Variants in NAV3 observed in about 807,000 individuals in gnomAD.
NAV3 encodes the protein neuron navigator 3, also known as pore membrane and/or filament interacting like protein 1.
In NAV3, 87 loss-of-function variants were observed where a neutral mutation model predicts 244.7. That is an observed-to-expected ratio of 0.36 (90% CI 0.30 to 0.42). The LOEUF (loss-of-function observed/expected upper bound fraction) is 0.42, where lower values mean the gene tolerates loss of function less well. Among genes scored for constraint, NAV3 ranks in the 20% least tolerant of loss-of-function variants. The pLI, the probability that NAV3 is intolerant of heterozygous loss-of-function variation, is 1.00. For synonymous variants in NAV3, 1,126 were observed against 1,042.2 expected, an observed-to-expected ratio of 1.08 and a Z score of -1.55; for missense variants, 2,663 against 2,893.3, an observed-to-expected ratio of 0.92 and a Z score of 1.83.
intron 2 of NAV3, among the ~76,000 whole-genome samples, chr12:77,749,013 T>A (rs1322417233): frequency 6.6e-6 from 1 of 152,190 alleles, no homozygotes; most frequent in African/African-American, 2.4e-5. Flanking sequence ...CAATTATACT[T>A]CTGCAAAGCG....
At chr12:77,700,245 C>T (rs776863904) in intron 2 of NAV3, among the ~76,000 whole-genome samples, 32 of 152,124 alleles carry the variant, frequency 2.1e-4, no homozygotes, top group Non-Finnish European at 3.2e-4. Flanking sequence ...ACAAAAATCT[C>T]ATCCTTGAAA....
intron 8 of NAV3, among the ~76,000 whole-genome samples, chr12:78,008,131 A>G (rs1477042913): frequency 6.6e-6 from 1 of 152,140 alleles, no homozygotes; most frequent in African/African-American, 2.4e-5. Context: ...TAAATTTTAT[A>G]TTAATTTCCC....
intron 9 of NAV3, among the ~76,000 whole-genome samples, chr12:78,033,509 T>C (rs1409835976): frequency 6.6e-6 from 1 of 152,046 alleles, no homozygotes; most frequent in Non-Finnish European, 1.5e-5. Context: ...TATGTGTGAA[T>C]ACAAACAAAT....
intron 8 of NAV3, among the ~76,000 whole-genome samples, chr12:78,016,518 T>C (rs140247308): frequency 3.0e-3 from 452 of 152,286 alleles, no homozygotes; most frequent in Non-Finnish European, 5.0e-3. Context: ...TAGACTTCTG[T>C]TCAACCCAAC....
chr12:77,973,819 C>G (rs912906066), intron 5 of NAV3, among the ~76,000 whole-genome samples: 7 of 151,924 alleles, frequency 4.6e-5, no homozygotes, highest in African/African-American at 1.7e-4. Flanking sequence ...AATTAGTTGC[C>G]TAACTCAGTT....
At chr12:77,981,334 G>C (rs973893995) in intron 5 of NAV3, among the ~76,000 whole-genome samples, 1 of 152,106 alleles carries the variant, frequency 6.6e-6, no homozygotes, top group Non-Finnish European at 1.5e-5. Flanking sequence ...TAGCATGTTA[G>C]TTATCATTTT....
chr12:78,051,793 G>T (rs576053612), intron 11 of NAV3, among the ~76,000 whole-genome samples: 39 of 152,266 alleles, frequency 2.6e-4, no homozygotes, highest in African/African-American at 9.4e-4. Context: ...GAGGCAATAG[G>T]ATATTCTATT....
chr12:77,866,377 A>G (rs900653042), intron 1 of NAV3, among the ~76,000 whole-genome samples: 6 of 152,206 alleles, frequency 3.9e-5, no homozygotes, highest in African/African-American at 1.4e-4. Context: ...ACTACATCAC[A>G]AATGTGTTAA....
chr12:77,706,557 T>C (rs1179238957), intron 2 of NAV3, among the ~76,000 whole-genome samples: 1 of 151,028 alleles, frequency 6.6e-6, no homozygotes, highest in African/African-American at 2.5e-5. Flanking sequence ...ATTCAGAATA[T>C]ATGAGAGACC....
At chr12:77,910,320 G>A (rs1886453593) in intron 1 of NAV3, among the ~76,000 whole-genome samples, 1 of 151,862 alleles carries the variant, frequency 6.6e-6, no homozygotes, top group African/African-American at 2.4e-5. Flanking sequence ...AGAGAGAGAG[G>A]GGAGGAGGTG....
intron 1 of NAV3, among the ~76,000 whole-genome samples, chr12:77,895,864 T>C (rs1884551749): frequency 6.8e-6 from 1 of 147,100 alleles, no homozygotes; most frequent in Non-Finnish European, 1.5e-5. Context: ...TATAAAAGTA[T>C]AAATTATAAT....
chr12:77,740,523 C>G (rs1227635094), intron 2 of NAV3, among the ~76,000 whole-genome samples: 1 of 151,492 alleles, frequency 6.6e-6, no homozygotes, highest in Admixed American at 6.6e-5. Context: ...ATTTTTGAGA[C>G]AGTATTGTAA....
chr12:77,771,555 A>G (rs1163915071), intron 2 of NAV3, among the ~76,000 whole-genome samples: 1 of 152,238 alleles, frequency 6.6e-6, no homozygotes, highest in African/African-American at 2.4e-5. Context: ...AAAATGTGGC[A>G]CATATACACC....
rs1162203242 is a variant in NAV3 at position 78,140,267 on chromosome 12, G to T, written c.4631-15G>T. 6.2e-7 allele frequency: 1 copy of T among 1,611,222 alleles called. No homozygotes were observed. On this transcript the variant is annotated splice_polypyrimidine_tract_variant and intron_variant, in intron 19 of 39. Coordinates refer to ENST00000397909, the MANE Select transcript of NAV3 (RefSeq NM_001024383.2). ...CTTATTGTTTTAACTCTATTGTTCT[G>T]TTTGTTTTCTCCAGTTCATGGCTCT... is the stretch of plus-strand genomic sequence containing the variant.
At chr12:78,052,931 T>TAC (rs1882969185) in intron 11 of NAV3, among the ~76,000 whole-genome samples, 1 of 151,968 alleles carries the variant, frequency 6.6e-6, no homozygotes, top group Admixed American at 6.6e-5. Flanking sequence ...AAGATATATA[T>TAC]ACCAAGGCTG....
chr12:78,177,006 C>A (rs1225813069), intron 26 of NAV3, 135 bp from the exon 27 acceptor site: 1 of 767,338 alleles, frequency 1.3e-6, no homozygotes, highest in Middle Eastern at 3.2e-4. Flanking sequence ...AGATACTGTG[C>A]TGCAATTGTT....
chr12:77,913,648 AGT>A (rs145882361), intron 1 of NAV3, among the ~76,000 whole-genome samples: 2 of 151,578 alleles, frequency 1.3e-5, no homozygotes, highest in African/African-American at 4.8e-5. Context: ...AAATTCAGGG[AGT>A]GTGTGTGTGT....
At chr12:77,663,849 T>C (rs531944602) in intron 2 of NAV3, among the ~76,000 whole-genome samples, 12 of 152,226 alleles carry the variant, frequency 7.9e-5, no homozygotes, top group Non-Finnish European at 1.8e-4. Flanking sequence ...TGAGCATGAG[T>C]GAGCCAATAT....
chr12:78,054,599 C>A (rs1434626014), intron 11 of NAV3, among the ~76,000 whole-genome samples: 1 of 152,046 alleles, frequency 6.6e-6, no homozygotes, highest in Non-Finnish European at 1.5e-5. Flanking sequence ...GGCTCAAGCT[C>A]ATAAGATTAG....
Sources: allele counts gnomAD v4.1 joint callset (sites outside exome capture counted in the v4.1 genomes callset), GRCh38; gene constraint gnomAD v4.1.1; transcripts MANE v1.5; gene names NCBI Gene and HGNC (gene_info 2026-07-23, HGNC 2026-07-21).